Variants in ZBTB34 observed in about 807,000 individuals in gnomAD.
ZBTB34 encodes the protein zinc finger and BTB domain-containing protein 34.
A neutral mutation model predicts 33.4 loss-of-function variants in ZBTB34; 1 was observed. That is an observed-to-expected ratio of 0.03 (90% CI 0.01 to 0.14). The LOEUF (loss-of-function observed/expected upper bound fraction) is 0.14. ZBTB34 is among the 10% of genes least tolerant of loss of function. The probability of loss-of-function intolerance (pLI) is 1.00; values close to 1 mark genes in which losing one functional copy is unlikely to be tolerated. For synonymous variants in ZBTB34, 283 were observed against 253.5 expected, an observed-to-expected ratio of 1.12 and a Z score of -1.11; for missense variants, 406 against 657.2, an observed-to-expected ratio of 0.62 and a Z score of 4.18.
At chr9:126,881,557 G>C (rs1179412979) in exon 2 of ZBTB34, 1 of 166,910 alleles carries the variant, frequency 6.0e-6, no homozygotes, top group Non-Finnish European at 1.5e-5. Context: ...AAGAATGTTA[G>C]TAGGTTTATA....
In ZBTB34 at chr9:126,876,510, T is replaced by A. The variant is rs544639809; in HGVS notation, c.-10-2880T>A. 6.6e-5 allele frequency among the ~76,000 whole-genome samples: 10 copies of A among 152,078 alleles called. No individual in the cohort carries two copies. The South Asian group carries it at 1.0e-3, about 16-fold the overall frequency. On this transcript the variant is annotated intron_variant, in intron 1 of 1. Transcript: ENST00000319119. ...TCTGAAGATGTAGACATCCTTACAT[T>A]TGTGAAGCAGCTGTTCTTGGTCATA...
At chr9:126,885,215 G>A (rs2033505328) in exon 2 of ZBTB34, 1 of 167,068 alleles carries the variant, frequency 6.0e-6, no homozygotes, top group Admixed American at 6.5e-5. Flanking sequence ...GCCCGGAAGA[G>A]AACCTGCTTT....
At chr9:126,875,163 T>G (rs2033339347) in intron 1 of ZBTB34, among the ~76,000 whole-genome samples, 1 of 152,238 alleles carries the variant, frequency 6.6e-6, no homozygotes, top group Non-Finnish European at 1.5e-5. Context: ...ACATCAGATT[T>G]CAGAGACTTA....
At chr9:126,878,202 A>G (rs1474282932) in intron 1 of ZBTB34, among the ~76,000 whole-genome samples, 1 of 147,626 alleles carries the variant, frequency 6.8e-6, no homozygotes, top group Non-Finnish European at 1.5e-5. Flanking sequence ...CGGTGTGGTG[A>G]CTCTTGCCTG....
intron 1 of ZBTB34, among the ~76,000 whole-genome samples, chr9:126,872,698 T>C (rs528816221): frequency 3.9e-5 from 6 of 152,352 alleles, no homozygotes; most frequent in Admixed American, 3.9e-4. Context: ...TGGCTCAGAC[T>C]GAAATTAACT....
chr9:126,866,803 T>C (rs1032833481), intron 1 of ZBTB34, among the ~76,000 whole-genome samples: 2 of 152,170 alleles, frequency 1.3e-5, no homozygotes, highest in African/African-American at 4.8e-5. Flanking sequence ...ATAATAGTTA[T>C]GTGATTTTTT....
At chr9:126,861,294 C>T (rs1317169625) in intron 1 of ZBTB34, among the ~76,000 whole-genome samples, 1 of 152,152 alleles carries the variant, frequency 6.6e-6, no homozygotes, top group African/African-American at 2.4e-5. Flanking sequence ...TGGCCACTCG[C>T]GCTCAGTTGG....
chr9:126,878,496 C>G lies in ZBTB34; in HGVS notation c.-10-894C>G, dbSNP rs116117037. 4.6e-3 allele frequency among the ~76,000 whole-genome samples: 695 copies of G among 151,690 alleles called. 7 individuals are homozygous for G. Among genetic ancestry groups the G allele is most frequent in the African/African-American group, 0.016 (664 of 41,386 alleles). ...AAAAAAAAAAAAAGTAATAATAACT[C>G]TTCACTGAAGGAGACTGAGCATGGT... On this transcript the variant is annotated intron_variant, in intron 1 of 1. Coordinates refer to ENST00000319119, the Ensembl canonical transcript of ZBTB34.
At chr9:126,878,524 G>A (rs1441584314) in intron 1 of ZBTB34, among the ~76,000 whole-genome samples, 3 of 151,392 alleles carry the variant, frequency 2.0e-5, no homozygotes, top group Non-Finnish European at 2.9e-5. Context: ...AGCATGGTAA[G>A]TCTCAGCCAA....
At chr9:126,871,608 G>A (rs1255233138) in intron 1 of ZBTB34, among the ~76,000 whole-genome samples, 2 of 151,990 alleles carry the variant, frequency 1.3e-5, no homozygotes. Context: ...GAGATTACAG[G>A]CGGAAAGATT....
intron 1 of ZBTB34, among the ~76,000 whole-genome samples, chr9:126,870,649 G>A (rs1401196637): frequency 3.3e-5 from 5 of 152,164 alleles, no homozygotes; most frequent in Admixed American, 6.5e-5. Flanking sequence ...AAATGCAGCC[G>A]GGCGCAGTGG....
chr9:126,861,900 A>G (rs1225114313), intron 1 of ZBTB34, among the ~76,000 whole-genome samples: 1 of 152,122 alleles, frequency 6.6e-6, no homozygotes, highest in East Asian at 1.9e-4. Flanking sequence ...CAAACTTACT[A>G]TAGGAAGTCA....
chr9:126,863,111 G>C (rs2033162386), intron 1 of ZBTB34, among the ~76,000 whole-genome samples: 1 of 152,060 alleles, frequency 6.6e-6, no homozygotes, highest in South Asian at 2.1e-4. Flanking sequence ...TTCTTCATTC[G>C]GAGGCTGTGG....
chr9:126,872,787 T>G (rs1184682286), intron 1 of ZBTB34, among the ~76,000 whole-genome samples: 1 of 152,208 alleles, frequency 6.6e-6, no homozygotes, highest in Non-Finnish European at 1.5e-5. Context: ...GGGGGAATCT[T>G]TGAATCTCAT....
At chr9:126,866,336 C>T (rs1238297908) in intron 1 of ZBTB34, among the ~76,000 whole-genome samples, 1 of 152,116 alleles carries the variant, frequency 6.6e-6, no homozygotes, top group Non-Finnish European at 1.5e-5. Context: ...CAGGTGCTGC[C>T]GCCAGAATTC....
intron 1 of ZBTB34, among the ~76,000 whole-genome samples, chr9:126,866,790 A>G (rs2033207413): frequency 6.6e-6 from 1 of 152,122 alleles, no homozygotes; most frequent in Non-Finnish European, 1.5e-5. Context: ...AATTTTAGTG[A>G]GAATAATAGT....
intron 1 of ZBTB34, among the ~76,000 whole-genome samples, chr9:126,869,882 C>CA (rs765034924): frequency 4.6e-5 from 7 of 151,878 alleles, no homozygotes; most frequent in Non-Finnish European, 7.4e-5. Flanking sequence ...TTGAACTTAC[C>CA]AAAAAACCAT....
chr9:126,863,115 G>A (rs970347763), intron 1 of ZBTB34, among the ~76,000 whole-genome samples: 1 of 152,132 alleles, frequency 6.6e-6, no homozygotes, highest in Non-Finnish European at 1.5e-5. Context: ...TCATTCGGAG[G>A]CTGTGGGGAA....
At chr9:126,883,524 C>T in exon 2 of ZBTB34, 1 of 167,150 alleles carries the variant, frequency 6.0e-6, no homozygotes, top group Non-Finnish European at 1.5e-5. Flanking sequence ...TTGTCTTTGA[C>T]AAAAATATCC....
Sources: allele counts gnomAD v4.1 joint callset (sites outside exome capture counted in the v4.1 genomes callset), GRCh38; gene constraint gnomAD v4.1.1; transcripts MANE v1.5; gene names NCBI Gene and HGNC (gene_info 2026-07-23, HGNC 2026-07-21).